The following DPYSL3 variants were observed in gnomAD, a reference collection of about 807,000 sequenced individuals.
DPYSL3 encodes the protein dihydropyrimidinase-related protein 3.
In DPYSL3, 16 loss-of-function variants were observed where a neutral mutation model predicts 66.1. The observed-to-expected ratio is 0.24, with a 90% CI of 0.16 to 0.37. DPYSL3 has a LOEUF of 0.37. Among genes scored for constraint, DPYSL3 ranks in the 10% least tolerant of loss-of-function variants. The pLI is 1.00. For synonymous variants in DPYSL3, 338 were observed against 345.1 expected (o/e 0.98, Z 0.23); for missense variants, 738 against 916.2 (o/e 0.81, Z 2.51).
chr5:147,416,562 A>G (rs1238010392), intron 3 of DPYSL3, among the ~76,000 whole-genome samples: 5 of 152,212 alleles, frequency 3.3e-5, no homozygotes, highest in African/African-American at 1.2e-4. Flanking sequence ...AAAAGGCAAA[A>G]GTTACACTTT....
intron 10 of DPYSL3, among the ~76,000 whole-genome samples, chr5:147,400,442 T>A (rs531268064): frequency 1.1e-4 from 17 of 152,216 alleles, no homozygotes; most frequent in African/African-American, 4.1e-4. Context: ...GATGAAGGAG[T>A]TGCATGTCTG....
At chr5:147,422,121 A>T (rs968715919) in intron 2 of DPYSL3, among the ~76,000 whole-genome samples, 3 of 152,216 alleles carry the variant, frequency 2.0e-5, no homozygotes, top group Non-Finnish European at 4.4e-5. Context: ...GGTAATACCC[A>T]GAATCTACAA....
At chr5:147,412,790 G>A (rs1751881479) in intron 5 of DPYSL3, 102 bp from the exon 6 acceptor site, 1 of 996,060 alleles carries the variant, frequency 1.0e-6, no homozygotes. Context: ...GGATAAAGCA[G>A]AGGAAATAAG....
In DPYSL3 at chr5:147,393,834, G is replaced by C; in HGVS notation, c.*201C>G. On this transcript the variant is annotated 3_prime_UTR_variant, in exon 14 of 14. Transcript: ENST00000343218. ...GGGGAGGGGAGTCAAACAAATCAAGGCTATGCATAAACAGAAAACAAAGCA... is the reference window on the plus strand; with the variant it reads ...GGGGAGGGGAGTCAAACAAATCAAGCCTATGCATAAACAGAAAACAAAGCA... 1.7e-6 allele frequency: 1 copy of C among 601,002 alleles called. No homozygotes were observed. The highest frequency in any genetic ancestry group is 2.9e-5 in the East Asian group (1 of 34,646). The allele number at this position is 601,002 out of a possible 1,614,324, so 37.2% of individuals were successfully genotyped here.
chr5:147,428,213 T>C (rs1752234754), intron 1 of DPYSL3, among the ~76,000 whole-genome samples: 1 of 152,166 alleles, frequency 6.6e-6, no homozygotes, highest in African/African-American at 2.4e-5. Flanking sequence ...CTGGTGTAGG[T>C]TTCAGAGAAG....
chr5:147,413,032 C>T (rs975616140), intron 5 of DPYSL3, among the ~76,000 whole-genome samples: 3 of 152,294 alleles, frequency 2.0e-5, no homozygotes, highest in Middle Eastern at 3.4e-3. Flanking sequence ...TCAACAAATG[C>T]TCTAGAAAAC....
Position 147,412,616 on chromosome 5 carries a change from T to C in DPYSL3, c.955A>G (p.Ile319Val), listed in dbSNP as rs1463489765. 2 of 1,612,368 alleles carry C rather than the reference T, an allele frequency of 1.2e-6. No homozygotes were observed. Among genetic ancestry groups the C allele is most frequent in the Non-Finnish European group, 8.5e-7 (1 of 1,179,242 alleles). ...AQVHAENGDI[I>V]AQEQTRMLEM... The stretch of plus-strand genomic sequence containing the variant: ...GAGCTGCACGGTGTTACCTGGGCAA[T>C]GATATCCCCATTCTCAGCATGAACT... Residue 319 changes from isoleucine to valine, a missense_variant, in exon 6 of 14, where the codon ATT (isoleucine) becomes GTT (valine). Ile to Val is a conservative substitution (Grantham distance 29, BLOSUM62 3). Transcript: ENST00000343218.
At chr5:147,423,023 C>T (rs1408863360) in intron 2 of DPYSL3, among the ~76,000 whole-genome samples, 1 of 152,046 alleles carries the variant, frequency 6.6e-6, no homozygotes, top group Non-Finnish European at 1.5e-5. Flanking sequence ...TAAAAAAGTT[C>T]TGTGAACAAT....
chr5:147,425,654 T>G (rs1202488627), intron 1 of DPYSL3, among the ~76,000 whole-genome samples: 1 of 152,208 alleles, frequency 6.6e-6, no homozygotes, highest in Middle Eastern at 3.2e-3. Flanking sequence ...GCTTTAATTA[T>G]GAGAAAAATA....
At chr5:147,442,670 G>A (rs1453945335) in intron 1 of DPYSL3, among the ~76,000 whole-genome samples, 1 of 152,016 alleles carries the variant, frequency 6.6e-6, no homozygotes, top group East Asian at 1.9e-4. Context: ...AAAAAAATGA[G>A]ATTCATTTAA....
At chr5:147,431,514 G>C (rs999745144) in intron 1 of DPYSL3, among the ~76,000 whole-genome samples, 3 of 151,462 alleles carry the variant, frequency 2.0e-5, no homozygotes, top group African/African-American at 7.3e-5. Flanking sequence ...ACTCTGCTTG[G>C]CACACTATAA....
In DPYSL3 at chr5:147,392,595, A is replaced by C. The variant is rs1757843608; in HGVS notation, c.*1440T>G. Reference sequence around the variant, plus strand: ...GGTTCTATAGATTCTTATCTTGCTCACAGGACTTGCTCCAAAACTGAATTT... The same window carrying C: ...GGTTCTATAGATTCTTATCTTGCTCCCAGGACTTGCTCCAAAACTGAATTT... On this transcript the variant is annotated 3_prime_UTR_variant, in exon 14 of 14. Coordinates refer to ENST00000343218, the MANE Select transcript of DPYSL3 (RefSeq NM_001197294.2). The C allele has an allele frequency of 6.6e-6, 1 of 152,224 alleles. No individual in the cohort carries two copies. The highest frequency in any genetic ancestry group is 2.4e-5 in the African/African-American group (1 of 41,456). The allele number at this position is 152,224 out of a possible 1,614,324, so 9.4% of individuals were successfully genotyped here. A position where few individuals can be genotyped will look rare whatever the true frequency, so the allele number is the denominator to read the frequency against.
chr5:147,418,167 A>G (rs897661097), intron 3 of DPYSL3, among the ~76,000 whole-genome samples: 1 of 152,148 alleles, frequency 6.6e-6, no homozygotes, highest in African/African-American at 2.4e-5. Context: ...CAGAGATGCT[A>G]TTTCCTATTC....
chr5:147,487,453 A>T (rs1203604977), intron 1 of DPYSL3, among the ~76,000 whole-genome samples: 1 of 152,212 alleles, frequency 6.6e-6, no homozygotes, highest in Admixed American at 6.5e-5. Flanking sequence ...CATATCAAAA[A>T]GTTGCTATGA....
chr5:147,467,250 C>A (rs937064807), intron 1 of DPYSL3, among the ~76,000 whole-genome samples: 1 of 152,190 alleles, frequency 6.6e-6, no homozygotes, highest in South Asian at 2.1e-4. Flanking sequence ...TTACTTGCCT[C>A]ACCTGTTAAA....
intron 1 of DPYSL3, among the ~76,000 whole-genome samples, chr5:147,433,476 A>G (rs2126352365): frequency 6.6e-6 from 1 of 152,278 alleles, no homozygotes. Flanking sequence ...CCAGCCTAAT[A>G]GCAGTTTTTG....
At chr5:147,447,812 T>A (rs772379096) in intron 1 of DPYSL3, among the ~76,000 whole-genome samples, 57 of 152,290 alleles carry the variant, frequency 3.7e-4, no homozygotes, top group Non-Finnish European at 4.9e-4. Flanking sequence ...CACTCCAGCC[T>A]GGGCAACAAG....
Position 147,405,192 on chromosome 5 carries a change from A to G in DPYSL3, c.1153+418T>C, listed in dbSNP as rs1758296960. On this transcript the variant is annotated intron_variant, in intron 8 of 13. Coordinates refer to ENST00000343218, the MANE Select transcript of DPYSL3 (RefSeq NM_001197294.2). ...ATTGTTGAGGCCCCTCAATCTAGCC[A>G]TACCTGAAACACCTACAATCGGTTA... Among the ~76,000 whole-genome samples, 3 of 152,212 alleles carry G rather than the reference A, an allele frequency of 2.0e-5. No individual in the cohort carries two copies. The South Asian group carries it at 6.2e-4, about 32-fold the overall frequency.
At chr5:147,401,155 A>T (rs544976567) in intron 9 of DPYSL3, among the ~76,000 whole-genome samples, 1 of 152,360 alleles carries the variant, frequency 6.6e-6, no homozygotes, top group South Asian at 2.1e-4. Flanking sequence ...GATTGTCATC[A>T]TGACCAACTA....
Sources: allele counts gnomAD v4.1 joint callset (sites outside exome capture counted in the v4.1 genomes callset), GRCh38; gene constraint gnomAD v4.1.1; transcripts MANE v1.5; gene names NCBI Gene and HGNC (gene_info 2026-07-23, HGNC 2026-07-21).